The following NLRC3 variants were observed in gnomAD, a reference collection of about 807,000 sequenced individuals.
NLRC3 encodes the protein NLR family CARD domain containing 3.
A neutral mutation model predicts 91.6 loss-of-function variants in NLRC3; 87 were observed. That is an observed-to-expected ratio of 0.95 (90% CI 0.80 to 1.14). NLRC3 has a LOEUF of 1.14. NLRC3 is among the 50% of genes most tolerant of loss of function. The probability of loss-of-function intolerance (pLI) is 0.00; values close to 1 mark genes in which losing one functional copy is unlikely to be tolerated. For synonymous variants in NLRC3, 694 were observed against 625.3 expected, an observed-to-expected ratio of 1.11 and a Z score of -1.64; for missense variants, 1,577 against 1,418.6, an observed-to-expected ratio of 1.11 and a Z score of -1.79.
chr16:3,574,134 C>T (rs970267088), intron 1 of NLRC3, among the ~76,000 whole-genome samples: 3 of 149,572 alleles, frequency 2.0e-5, no homozygotes, highest in Admixed American at 6.8e-5. Context: ...GTGATTCTCC[C>T]GCCTCAGGGT....
chr16:3,548,803 C>T (rs774230114), intron 13 of NLRC3, 50 bp from the exon 14 acceptor site: 1 of 1,322,922 alleles, frequency 7.6e-7, no homozygotes, highest in South Asian at 1.3e-5. Context: ...GCTGTGAAGC[C>T]TCCGGTCCTT....
chr16:3,548,106 C>A, intron 15 of NLRC3, 29 bp downstream of exon 15: 1 of 1,485,664 alleles, frequency 6.7e-7, no homozygotes, highest in East Asian at 2.4e-5. Flanking sequence ...ACAGCCCCCG[C>A]CCTGCAGCCC....
intron 13 of NLRC3, 96 bp from the exon 14 acceptor site, chr16:3,548,849 C>T: frequency 2.3e-6 from 2 of 859,080 alleles, no homozygotes; most frequent in Non-Finnish European, 3.7e-6. Flanking sequence ...TACCAGATCA[C>T]CCAGCCAGCA....
intron 10 of NLRC3, 57 bp downstream of exon 10, chr16:3,552,139 G>T: frequency 9.8e-7 from 1 of 1,021,604 alleles, no homozygotes; most frequent in South Asian, 1.3e-5. Context: ...ATTTGTGCTG[G>T]GTTGGGCATT....
chr16:3,548,844 G>A, intron 13 of NLRC3, 91 bp from the exon 14 acceptor site: 1 of 895,914 alleles, frequency 1.1e-6, no homozygotes, highest in Non-Finnish European at 1.7e-6. Flanking sequence ...CTTGATACCA[G>A]ATCACCCAGC....
intron 8 of NLRC3, among the ~76,000 whole-genome samples, 159 bp from the exon 9 acceptor site, chr16:3,554,484 C>T (rs1206502955): frequency 6.6e-6 from 1 of 152,232 alleles, no homozygotes; most frequent in Non-Finnish European, 1.5e-5. Context: ...ACCCTTTGCA[C>T]CACTGCCTGG....
intron 6 of NLRC3, among the ~76,000 whole-genome samples, chr16:3,561,325 T>C (rs2039600786): frequency 6.6e-6 from 1 of 151,990 alleles, no homozygotes; most frequent in African/African-American, 2.4e-5. Flanking sequence ...CCAGCTGGGG[T>C]GACAAAGCAA....
At chr16:3,546,517 T>C (rs911813048) in intron 15 of NLRC3, among the ~76,000 whole-genome samples, 1 of 151,488 alleles carries the variant, frequency 6.6e-6, no homozygotes, top group Non-Finnish European at 1.5e-5. Context: ...AGATCACGCC[T>C]CTGCACTCCA....
At chr16:3,541,959 T>C (rs144551731) in intron 19 of NLRC3, 44 bp from the exon 20 acceptor site, 157 of 1,171,640 alleles carry the variant, frequency 1.3e-4, no homozygotes, top group Non-Finnish European at 1.8e-4. Context: ...CTGCAGGTTC[T>C]CTTTAGTAGA....
rs749254867 is a variant in NLRC3, at chr16:3,564,337, G to A, written c.600C>T (p.His200=). 1.5e-5 allele frequency: 24 copies of A among 1,611,670 alleles called. No individual in the cohort carries two copies. Among genetic ancestry groups the A allele is most frequent in the East Asian group, 1.1e-4 (5 of 44,866 alleles). Residue 200 remains histidine (H), a synonymous_variant, in exon 5 of 20, where the codon CAC becomes CAT. Transcript: ENST00000359128. This position sits in a 1 kb window ranked among gnomAD's most constrained non-coding sequence, Gnocchi z 5.9. ...ADRLICSVFP[H]VGEPSLAVAV... ...CCACCGCCAGGCTGGGCTCCCCGAC[G>A]TGCGGGAAGACCGAGCAGATGAGTC...
intron 19 of NLRC3, 66 bp downstream of exon 19, chr16:3,542,125 G>C (rs1184824984): frequency 1.7e-6 from 2 of 1,182,856 alleles, no homozygotes; most frequent in African/African-American, 3.0e-5. Context: ...TCTCAGAACT[G>C]GGCAAAAGGC....
In NLRC3 at chr16:3,554,311, G is replaced by T. The variant is rs574731286; in HGVS notation, c.2198C>A (p.Thr733Asn). 1 of 1,613,576 alleles carries T rather than the reference G, an allele frequency of 6.2e-7. No individual in the cohort carries two copies. Among genetic ancestry groups the T allele is most frequent in the East Asian group, 2.2e-5 (1 of 44,882 alleles). The change falls in exon 9 of 20, where the codon ACC becomes AAC. Residue 733 changes from threonine (T) to asparagine (N), a missense_variant. By Grantham distance (65) the Thr-to-Asn change is moderately conservative. Transcript: ENST00000359128. ...GGACCTGGCACCATCATCCCTAACG[G>T]TGTTGCCCTGGAGGCTGCAGAGACA... ...TLTSLSLQGN[T>N]VRDDGARSMA... is the part of the protein sequence containing the mutation.
intron 15 of NLRC3, chr16:3,545,433 G>A (rs1351275149): frequency 2.6e-5 from 4 of 152,032 alleles, no homozygotes; most frequent in Non-Finnish European, 5.9e-5. Flanking sequence ...CCAGGAGGTG[G>A]AGGTTGCAGT....
intron 10 of NLRC3, among the ~76,000 whole-genome samples, chr16:3,551,602 CCCATCCAT>C (rs35701475): frequency 4.0e-5 from 6 of 149,984 alleles, no homozygotes; most frequent in South Asian, 2.1e-4. Flanking sequence ...CACTCATCCA[CCCATCCAT>C]CCATCCATCC....
intron 2 of NLRC3, among the ~76,000 whole-genome samples, chr16:3,567,029 G>T (rs1596487506): frequency 6.6e-6 from 1 of 152,232 alleles, no homozygotes; most frequent in Admixed American, 6.5e-5. Context: ...TCTCCTGGGA[G>T]TGCAGGAGCT....
At chr16:3,547,615 T>C (rs1303213740) in intron 15 of NLRC3, among the ~76,000 whole-genome samples, 1 of 152,136 alleles carries the variant, frequency 6.6e-6, no homozygotes, top group Non-Finnish European at 1.5e-5. Flanking sequence ...TGTATATATG[T>C]ATATGTGTAT....
chr16:3,564,870 G>A lies in NLRC3; in HGVS notation c.167C>T (p.Pro56Leu). 6.2e-7 allele frequency: 1 copy of A among 1,605,836 alleles called. No individual in the cohort carries two copies. The highest frequency in any genetic ancestry group is 8.5e-7 in the Non-Finnish European group (1 of 1,177,510). ...LDRTPDAPLG[P>L]CSNDSRIQRH... ...CAAGCCGGTCCTACCATTGCTGCAG[G>A]GCCCCAGCGGGGCATCCGGTGTCCT... The change falls in exon 4 of 20, where the codon CCC (proline) becomes CTC (leucine). Residue 56 changes from proline (P) to leucine (L), a missense_variant. Physicochemically the swap from Pro to Leu is moderately conservative, Grantham distance 98 (BLOSUM62 -3). Transcript: ENST00000359128. This position sits in a 1 kb window ranked among gnomAD's most constrained non-coding sequence, Gnocchi z 5.9.
At position 3,564,500 on chromosome 16, in the gene NLRC3, A is replaced by T. The variant is rs746857310; in HGVS notation, c.437T>A (p.Val146Glu). ...CAGGGTGGTCTTGCCCATGCCGGCCACCCCGATAGTGATGGAGACCCGGGG... is the reference window on the plus strand; with the variant it reads ...CAGGGTGGTCTTGCCCATGCCGGCCTCCCCGATAGTGATGGAGACCCGGGG... ...VPPRVSITIG[V>E]AGMGKTTLVR... The change falls in exon 5 of 20, where the codon GTG becomes GAG. Residue 146 changes from valine (V) to glutamate (E), a missense_variant. Transcript: ENST00000359128. This position sits in a 1 kb window ranked among gnomAD's most constrained non-coding sequence, Gnocchi z 5.9. 3.3e-5 allele frequency: 54 copies of T among 1,612,206 alleles called. No individual in the cohort carries two copies. Among genetic ancestry groups the T allele is most frequent in the Non-Finnish European group, 9.3e-6 (11 of 1,179,792 alleles).
chr16:3,551,375 C>T (rs58281367), intron 10 of NLRC3, among the ~76,000 whole-genome samples: 2,111 of 149,148 alleles, frequency 0.014, 50 homozygotes, highest in African/African-American at 0.046. Flanking sequence ...TACCCATCCA[C>T]CTATCCACCC....
Sources: allele counts gnomAD v4.1 joint callset (sites outside exome capture counted in the v4.1 genomes callset), GRCh38; gene constraint gnomAD v4.1.1; non-coding constraint Gnocchi (gnomAD v3.1); transcripts MANE v1.5; gene names NCBI Gene and HGNC (gene_info 2026-07-23, HGNC 2026-07-21).